Variants in UBAP2 observed in about 807,000 individuals in gnomAD.
UBAP2 encodes ubiquitin associated protein 2, also known as ubiquitin-associated protein 2.
In UBAP2, 75 loss-of-function variants were observed where a neutral mutation model predicts 139.6. The ratio of observed to expected loss-of-function variants is 0.54; its 90% CI spans 0.45 to 0.65. UBAP2 has a LOEUF of 0.65. Ranked by LOEUF, UBAP2 falls within the 30% of genes least tolerant of loss-of-function variation. The pLI, the probability that UBAP2 is intolerant of heterozygous loss-of-function variation, is 0.00. For missense variants in UBAP2, 1,368 were observed against 1,369.6 expected, an observed-to-expected ratio of 1.00 and a Z score of 0.02; for synonymous variants, 526 against 526.2, an observed-to-expected ratio of 1.00 and a Z score of 0.01.
intron 3 of UBAP2, chr9:33,998,417 A>T (rs56404908): frequency 0.19 from 31,907 of 165,558 alleles, 4,116 homozygotes; most frequent in East Asian, 0.58. Context: ...AAAATTTTTT[A>T]AAGGTAATTC....
At chr9:34,005,109 A>G (rs1314618210) in intron 2 of UBAP2, among the ~76,000 whole-genome samples, 1 of 151,930 alleles carries the variant, frequency 6.6e-6, no homozygotes, top group Non-Finnish European at 1.5e-5. Flanking sequence ...CTAAAAATAC[A>G]AAAATTAGCA....
chr9:33,992,574 T>TA (rs1173796416), intron 4 of UBAP2, among the ~76,000 whole-genome samples: 1 of 108,840 alleles, frequency 9.2e-6, no homozygotes, highest in Non-Finnish European at 1.9e-5. Context: ...AAAATAAAAA[T>TA]AAAAAAAAGA....
chr9:34,028,499 C>T lies in UBAP2; in HGVS notation c.-41-11310G>A, dbSNP rs190666991. Among the ~76,000 whole-genome samples, 468 of 152,092 alleles carry T rather than the reference C, an allele frequency of 3.1e-3. 2 individuals are homozygous for T. The highest frequency in any genetic ancestry group is 0.024 in the Middle Eastern group (7 of 294). On this transcript the variant is annotated intron_variant, in intron 1 of 28. Transcript: ENST00000379238. ...GGTTCAAGCGATTAGCCTGCCTCAGCCTCCCAAGTAGCTGGGATTACAGGC... is the reference window on the plus strand; with the variant it reads ...GGTTCAAGCGATTAGCCTGCCTCAGTCTCCCAAGTAGCTGGGATTACAGGC...
chr9:33,931,267 C>A (rs894278591), intron 19 of UBAP2, among the ~76,000 whole-genome samples: 16 of 152,196 alleles, frequency 1.1e-4, no homozygotes, highest in African/African-American at 3.1e-4. Flanking sequence ...TTGGTGTATG[C>A]AGTGGTCCTG....
intron 6 of UBAP2, among the ~76,000 whole-genome samples, chr9:33,976,955 T>G (rs1451346156): frequency 6.6e-6 from 1 of 151,192 alleles, no homozygotes; most frequent in African/African-American, 2.4e-5. Context: ...GCAGTCGCAG[T>G]GAGCCGAGAT....
intron 1 of UBAP2, among the ~76,000 whole-genome samples, chr9:34,029,101 G>A (rs944668751): frequency 1.3e-5 from 2 of 151,888 alleles, no homozygotes; most frequent in Non-Finnish European, 2.9e-5. Flanking sequence ...GGGCAATAGA[G>A]TAAGACCACA....
In UBAP2 at chr9:33,977,223, G is replaced by A. The variant is rs185411742; in HGVS notation, c.521-3986C>T. ...CTGGCTGATTTTTGTATTTTTATTA[G>A]AGACGGGGTTTCACCATTTTGGCCA... On this transcript the variant is annotated intron_variant, in intron 6 of 28. Coordinates refer to ENST00000379238, the MANE Select transcript of UBAP2 (RefSeq NM_001370062.2). Among the ~76,000 whole-genome samples, 365 of 151,400 alleles carry A rather than the reference G, an allele frequency of 2.4e-3. 2 individuals carry two copies. The highest frequency in any genetic ancestry group is 3.9e-3 in the Admixed American group (60 of 15,218).
At chr9:34,013,258 G>T (rs1823928401) in intron 2 of UBAP2, among the ~76,000 whole-genome samples, 2 of 150,118 alleles carry the variant, frequency 1.3e-5, no homozygotes, top group Non-Finnish European at 3.0e-5. Context: ...GGATTCAAAA[G>T]AACTCTCACC....
chr9:33,924,077 A>T, intron 23 of UBAP2, 77 bp from the exon 24 acceptor site: 1 of 1,594,056 alleles, frequency 6.3e-7, no homozygotes, highest in Non-Finnish European at 8.6e-7. Context: ...GCAAACAGGA[A>T]CAGGTCTGGC....
At position 33,922,536 on chromosome 9, in the gene UBAP2, C is replaced by T; in HGVS notation, c.3328G>A (p.Ala1110Thr). The part of the protein sequence containing the change: ...LQPKSQASKP[A>T]YGNSPYWTN Reference sequence around the variant, plus strand: ...GTCCAGTATGGAGAGTTGCCGTAGGCAGGTTTGGAGGCTTGAGACTTGGGC... The same window carrying T: ...GTCCAGTATGGAGAGTTGCCGTAGGTAGGTTTGGAGGCTTGAGACTTGGGC... The change falls in exon 29 of 29, where the codon GCC becomes ACC. Residue 1110 changes from alanine (A) to threonine (T), a missense_variant. Ala to Thr is a moderately conservative substitution (Grantham distance 58). Transcript: ENST00000379238. 1 of 1,613,998 alleles carries T rather than the reference C, an allele frequency of 6.2e-7. No homozygotes were observed.
At chr9:33,938,073 T>C (rs770167925) in intron 16 of UBAP2, among the ~76,000 whole-genome samples, 2 of 151,816 alleles carry the variant, frequency 1.3e-5, no homozygotes, top group East Asian at 1.9e-4. Flanking sequence ...TCTCGGCTCA[T>C]TGCAACCTCC....
intron 9 of UBAP2, among the ~76,000 whole-genome samples, chr9:33,963,267 A>G (rs1401830727): frequency 1.3e-5 from 2 of 152,202 alleles, no homozygotes; most frequent in Non-Finnish European, 2.9e-5. Flanking sequence ...AACTAGCCAT[A>G]CCCACACAGA....
intron 14 of UBAP2, 22 bp from the exon 15 acceptor site, chr9:33,943,611 G>T: frequency 6.2e-7 from 1 of 1,613,168 alleles, no homozygotes; most frequent in Non-Finnish European, 8.5e-7. Flanking sequence ...AAGCTGTCGT[G>T]TCAGGAACAG....
intron 1 of UBAP2, among the ~76,000 whole-genome samples, chr9:34,040,810 A>G (rs1178824473): frequency 2.6e-5 from 4 of 152,212 alleles, no homozygotes; most frequent in East Asian, 1.9e-4. Flanking sequence ...AGACACCTAG[A>G]ATGAAATTCA....
intron 1 of UBAP2, among the ~76,000 whole-genome samples, chr9:34,025,928 G>T (rs1024876083): frequency 1.3e-5 from 2 of 152,118 alleles, no homozygotes; most frequent in Non-Finnish European, 2.9e-5. Flanking sequence ...ATACCTCAGT[G>T]AAACAGCCGC....
intron 11 of UBAP2, among the ~76,000 whole-genome samples, chr9:33,954,016 C>T (rs750767612): frequency 6.6e-6 from 1 of 151,930 alleles, no homozygotes; most frequent in East Asian, 1.9e-4. Context: ...AAGCGATTCT[C>T]GTGCCTCAGC....
chr9:33,997,364 C>T (rs1337342368), intron 3 of UBAP2: 5 of 152,282 alleles, frequency 3.3e-5, no homozygotes, highest in Middle Eastern at 3.4e-3. Flanking sequence ...TTAACATGTA[C>T]TAGCTGAAGT....
rs539829686 is a variant in UBAP2 at position 33,976,617 on chromosome 9, T to C, written c.521-3380A>G. On this transcript the variant is annotated intron_variant, in intron 6 of 28. Transcript: ENST00000379238. ...GTTCTAAAATTGATTGTGGTGATGA[T>C]TGCACAACTTGGTGAATATACTAAA... 4.3e-4 allele frequency among the ~76,000 whole-genome samples: 66 copies of C among 152,328 alleles called. 1 individual carries two copies. The highest frequency in any genetic ancestry group is 1.4e-3 in the African/African-American group (58 of 41,572).
chr9:33,940,730 G>A (rs1284262804), intron 16 of UBAP2, among the ~76,000 whole-genome samples: 2 of 152,148 alleles, frequency 1.3e-5, no homozygotes, highest in Non-Finnish European at 2.9e-5. Flanking sequence ...AGTGTGCTGT[G>A]ATCGCGCCAC....
Sources: allele counts gnomAD v4.1 joint callset (sites outside exome capture counted in the v4.1 genomes callset), GRCh38; gene constraint gnomAD v4.1.1; transcripts MANE v1.5; gene names NCBI Gene and HGNC (gene_info 2026-07-23, HGNC 2026-07-21).